DSE: variants seen among roughly 807,000 people sequenced by gnomAD.
The protein encoded by DSE is dermatan-sulfate epimerase.
DSE carries 36 observed loss-of-function variants against 84.4 expected under a neutral mutation model. The observed-to-expected ratio is 0.43, with a 90% CI of 0.33 to 0.56. The LOEUF (loss-of-function observed/expected upper bound fraction) is 0.56, where lower values mean the gene tolerates loss of function less well. DSE is among the 20% of genes least tolerant of loss of function. The pLI is 0.06. For missense variants in DSE, 862 were observed against 1,169.6 expected (o/e 0.74, Z 3.84); for synonymous variants, 410 against 430.1 (o/e 0.95, Z 0.58).
intron 1 of DSE, among the ~76,000 whole-genome samples, chr6:116,380,966 C>T (rs1185817174): frequency 6.6e-6 from 1 of 152,166 alleles, no homozygotes; most frequent in African/African-American, 2.4e-5. Context: ...CCAGAAGTGT[C>T]AGCTCTTCTG....
rs1043733253 is a variant in DSE, at chr6:116,442,329, T to C, written c.*4984T>C. On this transcript the variant is annotated 3_prime_UTR_variant, in exon 6 of 6. Transcript: ENST00000644252. ...GAGTCAGTTGCAATGAACTGAGATG[T>C]GGCTGACTGCAGGAGGAATAAGTAG... is the stretch of plus-strand genomic sequence containing the variant. 2 of 152,380 alleles carry C rather than the reference T, an allele frequency of 1.3e-5. No individual in the cohort carries two copies. The highest frequency in any genetic ancestry group is 2.1e-4 in the South Asian group (1 of 4,824). 9.4% of individuals were successfully genotyped at this position (152,380 alleles called of 1,614,324 possible). A position where few individuals can be genotyped will look rare whatever the true frequency, so the allele number is the denominator to read the frequency against.
chr6:116,299,502 T>TATATA (rs1774867621), intron 2 of DSE, among the ~76,000 whole-genome samples: 2 of 47,544 alleles, frequency 4.2e-5, no homozygotes, highest in Non-Finnish European at 6.5e-5. Context: ...CTTGAATTAT[T>TATATA]TTTATATATA....
At chr6:116,291,928 G>A (rs146001852) in intron 2 of DSE, among the ~76,000 whole-genome samples, 2 of 152,306 alleles carry the variant, frequency 1.3e-5, no homozygotes, top group African/African-American at 4.8e-5. Flanking sequence ...ATGTGATTGA[G>A]TTATGGAATA....
chr6:116,348,917 T>C (rs977565786), intron 2 of DSE, among the ~76,000 whole-genome samples: 29 of 151,902 alleles, frequency 1.9e-4, no homozygotes, highest in African/African-American at 5.3e-4. Context: ...TAGGTGGGAA[T>C]TGAACAATGA....
At chr6:116,309,724 A>G (rs1429153557) in intron 2 of DSE, among the ~76,000 whole-genome samples, 1 of 152,248 alleles carries the variant, frequency 6.6e-6, no homozygotes, top group Admixed American at 6.5e-5. Context: ...AGATGGTTCA[A>G]GATGGTGCCT....
chr6:116,292,354 A>G (rs1183241632), intron 2 of DSE, among the ~76,000 whole-genome samples: 1 of 152,174 alleles, frequency 6.6e-6, no homozygotes, highest in Non-Finnish European at 1.5e-5. Flanking sequence ...ATGCAGCCAT[A>G]TTGAGTGAGA....
intron 2 of DSE, among the ~76,000 whole-genome samples, chr6:116,403,388 CAAT>C (rs1330078094): frequency 1.1e-4 from 16 of 150,896 alleles, no homozygotes; most frequent in African/African-American, 2.2e-4. Flanking sequence ...AAGATATCAG[CAAT>C]AATAATTTTA....
At chr6:116,363,423 T>C (rs1369623912) in intron 2 of DSE, among the ~76,000 whole-genome samples, 5 of 152,152 alleles carry the variant, frequency 3.3e-5, no homozygotes, top group African/African-American at 1.2e-4. Context: ...TAGCTGATCT[T>C]CACACCACAA....
At chr6:116,335,816 G>A (rs1777213139) in intron 2 of DSE, among the ~76,000 whole-genome samples, 1 of 152,194 alleles carries the variant, frequency 6.6e-6, no homozygotes, top group South Asian at 2.1e-4. Context: ...TCTTTATTAT[G>A]CTGACTTAGG....
intron 2 of DSE, among the ~76,000 whole-genome samples, chr6:116,360,838 T>C (rs1778845000): frequency 6.6e-6 from 1 of 152,170 alleles, no homozygotes; most frequent in Non-Finnish European, 1.5e-5. Flanking sequence ...AAAGAAAAAC[T>C]ATGAGTTGAG....
In DSE at chr6:116,433,393, G is replaced by A; in HGVS notation, c.961G>A (p.Gly321Ser). 1 of 1,551,642 alleles carries A rather than the reference G, an allele frequency of 6.4e-7. No individual in the cohort carries two copies. The highest frequency in any genetic ancestry group is 8.7e-7 in the Non-Finnish European group (1 of 1,146,978). The change falls in exon 5 of 6, where the codon GGT becomes AGT. Residue 321 changes from glycine (G) to serine (S), a missense_variant. Around this residue, in one of 4 missense-constraint regions of DSE, gnomAD observed 309 missense variants for 516.9 expected, o/e 0.60. Coordinates refer to ENST00000644252, the MANE Select transcript of DSE (RefSeq NM_013352.4). ...GGACTCAAATTACAACTGGTTTTAT[G>A]GTCCAGAAAGCCAATTAGTGTTCCT... is the stretch of plus-strand genomic sequence containing the variant. The part of the protein sequence containing the change: ...IADSNYNWFY[G>S]PESQLVFLDK...
In DSE at chr6:116,436,343, C is replaced by T. The variant is rs771082377; in HGVS notation, c.1875C>T (p.Ser625=). Reference sequence around the variant, plus strand: ...ACTGGATGGACGATACTGGCTACAGCGAGAAAGCAACCTTTGCCTCAGTGA... The same window carrying T: ...ACTGGATGGACGATACTGGCTACAGTGAGAAAGCAACCTTTGCCTCAGTGA... ...KMYWMDDTGY[S]EKATFASVTY... The change falls in exon 6 of 6, where the codon AGC becomes AGT. Residue 625 remains serine, a synonymous_variant. Transcript: ENST00000644252. 13 of 1,614,060 alleles carry T rather than the reference C, an allele frequency of 8.1e-6. No individual in the cohort carries two copies. The highest frequency in any genetic ancestry group is 5.3e-5 in the African/African-American group (4 of 74,914).
At chr6:116,324,749 AACT>A (rs1776526171) in intron 2 of DSE, among the ~76,000 whole-genome samples, 1 of 152,212 alleles carries the variant, frequency 6.6e-6, no homozygotes, top group East Asian at 1.9e-4. Flanking sequence ...CTTCCATTTC[AACT>A]ACTTCTTTCC....
intron 2 of DSE, among the ~76,000 whole-genome samples, chr6:116,413,875 C>G (rs1175556672): frequency 6.6e-6 from 1 of 152,178 alleles, no homozygotes; most frequent in East Asian, 1.9e-4. Flanking sequence ...GGTGATTTGA[C>G]TACGGTTTTT....
chr6:116,342,684 C>A (rs1777683221), intron 2 of DSE, among the ~76,000 whole-genome samples: 2 of 152,196 alleles, frequency 1.3e-5, no homozygotes, highest in Non-Finnish European at 1.5e-5. Flanking sequence ...TATATACATA[C>A]AGGAGAGGTT....
In DSE at chr6:116,278,672, G is replaced by C. The variant is rs549729790; in HGVS notation, c.-54+19705G>C. 7 of 1,614,170 alleles carry C rather than the reference G, an allele frequency of 4.3e-6. No homozygotes were observed. The East Asian group carries it at 1.6e-4, about 36-fold the overall frequency. On this transcript the variant is annotated intron_variant, in intron 2 of 3. Coordinates refer to the DSE transcript ENST00000430252. ...ATCTCAGCAATTTTGTCGGACTCTG[G>C]AAGGCTGTGGTCTGAAAACCAAGTG...
intron 1 of DSE, among the ~76,000 whole-genome samples, chr6:116,379,342 CT>C (rs1189239464): frequency 6.6e-6 from 1 of 152,138 alleles, no homozygotes; most frequent in Non-Finnish European, 1.5e-5. Flanking sequence ...TTTCAAAATA[CT>C]TTTCAAAATT....
At chr6:116,431,715 A>G (rs1020909878) in intron 4 of DSE, among the ~76,000 whole-genome samples, 1 of 151,518 alleles carries the variant, frequency 6.6e-6, no homozygotes, top group Non-Finnish European at 1.5e-5. Context: ...AAAGTAAACA[A>G]AAAAAGTGCT....
At chr6:116,274,450 C>T (rs1204396012) in intron 2 of DSE, among the ~76,000 whole-genome samples, 1 of 151,944 alleles carries the variant, frequency 6.6e-6, no homozygotes, top group African/African-American at 2.4e-5. Context: ...ATAATCCCAG[C>T]TACTGGGGAG....
Sources: allele counts gnomAD v4.1 joint callset (sites outside exome capture counted in the v4.1 genomes callset), GRCh38; gene constraint gnomAD v4.1.1; regional missense constraint gnomAD v4.1.1; transcripts MANE v1.5; gene names NCBI Gene and HGNC (gene_info 2026-07-23, HGNC 2026-07-21).